ZNF730: variants seen among roughly 807,000 people sequenced by gnomAD.
ZNF730 encodes zinc finger protein 730, also known as putative zinc finger protein 730.
Under a neutral mutation model 12.6 loss-of-function variants are expected in ZNF730, and 12 were observed. The ratio of observed to expected loss-of-function variants is 0.95; its 90% CI spans 0.61 to 1.54. The LOEUF is 1.54. ZNF730 is among the 40% of genes most tolerant of loss of function. The probability of loss-of-function intolerance (pLI) is 0.00; values close to 1 mark genes in which losing one functional copy is unlikely to be tolerated. For synonymous variants in ZNF730, 194 were observed against 195.8 expected (o/e 0.99, Z 0.08); for missense variants, 643 against 583.5 (o/e 1.10, Z -1.05).
intron 1 of ZNF730, among the ~76,000 whole-genome samples, chr19:23,110,331 CAGT>C (rs1387085542): frequency 1.5e-5 from 2 of 137,232 alleles, no homozygotes; most frequent in African/African-American, 5.6e-5. Flanking sequence ...GGCTAGGGTG[CAGT>C]GGTGTGATCT....
intron 1 of ZNF730, among the ~76,000 whole-genome samples, chr19:23,088,308 C>T (rs73555470): frequency 0.013 from 2,010 of 152,174 alleles, 51 homozygotes; most frequent in African/African-American, 0.046. Flanking sequence ...GTGTGAGCCA[C>T]GCACCCAGCC....
At chr19:23,104,142 C>A (rs1326933958) in intron 1 of ZNF730, among the ~76,000 whole-genome samples, 1 of 151,924 alleles carries the variant, frequency 6.6e-6, no homozygotes, top group African/African-American at 2.4e-5. Context: ...CCAGACTCTA[C>A]TAAAAATACA....
intron 1 of ZNF730, among the ~76,000 whole-genome samples, chr19:23,093,906 A>T (rs1172535364): frequency 1.3e-5 from 2 of 152,206 alleles, no homozygotes; most frequent in Admixed American, 1.3e-4. Flanking sequence ...TGCCTCTGCC[A>T]GTTGGCTTTT....
intron 1 of ZNF730, among the ~76,000 whole-genome samples, chr19:23,125,053 A>G (rs954839139): frequency 3.3e-5 from 5 of 152,170 alleles, no homozygotes; most frequent in African/African-American, 1.2e-4. Context: ...GATTTTAAAA[A>G]TGGGAGTTTC....
intron 1 of ZNF730, among the ~76,000 whole-genome samples, chr19:23,089,262 A>G (rs954414540): frequency 2.6e-5 from 4 of 151,952 alleles, no homozygotes; most frequent in African/African-American, 9.7e-5. Context: ...GCTGGAGTGT[A>G]GTGGTGTGAT....
upstream of ZNF730, among the ~76,000 whole-genome samples, chr19:23,115,663 C>T (rs1215906040): frequency 6.6e-6 from 1 of 151,854 alleles, no homozygotes; most frequent in East Asian, 1.9e-4. Context: ...AAGCAAAGTG[C>T]CTCTGTTGAC....
At chr19:23,136,386 T>A (rs1970832786) in intron 3 of ZNF730, among the ~76,000 whole-genome samples, 1 of 152,138 alleles carries the variant, frequency 6.6e-6, no homozygotes, top group South Asian at 2.1e-4. Context: ...AGAAACTCTA[T>A]GTTGAACTAT....
At chr19:23,097,101 A>G (rs970684993) in intron 1 of ZNF730, among the ~76,000 whole-genome samples, 4 of 152,100 alleles carry the variant, frequency 2.6e-5, no homozygotes, top group Admixed American at 6.6e-5. Context: ...TCCATAGTCT[A>G]GGAGATTTAA....
chr19:23,091,404 GAGA>G (rs756122379), intron 1 of ZNF730, among the ~76,000 whole-genome samples: 7 of 152,182 alleles, frequency 4.6e-5, no homozygotes, highest in South Asian at 2.1e-4. Context: ...GTGGAGCTGT[GAGA>G]AGAAGGCCAC....
rs1192299660 is a variant in ZNF730 at position 23,145,781 on chromosome 19, A to G, written c.737A>G (p.His246Arg). 7 of 1,580,258 alleles carry G rather than the reference A, an allele frequency of 4.4e-6. No individual in the cohort carries two copies. The South Asian group carries it at 4.6e-5, about 10-fold the overall frequency. Residue 246 changes from histidine (H) to arginine (R), a missense_variant, in exon 4 of 4, where the codon CAT (histidine) becomes CGT (arginine). His to Arg is a conservative substitution (Grantham distance 29). Coordinates refer to ENST00000597761, the MANE Select transcript of ZNF730 (RefSeq NM_001277403.2). ...AACTGGTTTTCACATTTTACTACACATAAGAGAATTCATACTGGAGAAAAA... is the reference window on the plus strand; with the variant it reads ...AACTGGTTTTCACATTTTACTACACGTAAGAGAATTCATACTGGAGAAAAA... Reference protein sequence around the residue: ...AFNWFSHFTTHKRIHTGEKPY... With the variant: ...AFNWFSHFTTRKRIHTGEKPY...
At chr19:23,107,830 G>A (rs1275377280) in intron 1 of ZNF730, among the ~76,000 whole-genome samples, 1 of 152,192 alleles carries the variant, frequency 6.6e-6, no homozygotes, top group Non-Finnish European at 1.5e-5. Flanking sequence ...GAGTATTAAA[G>A]CCCCACCCCT....
intron 1 of ZNF730, among the ~76,000 whole-genome samples, chr19:23,076,315 G>A (rs1969859966): frequency 6.6e-6 from 1 of 152,132 alleles, no homozygotes; most frequent in Non-Finnish European, 1.5e-5. Context: ...TGAGAAAAAT[G>A]TAGAAAATAA....
chr19:23,114,151 T>A (rs569968766), upstream of ZNF730, among the ~76,000 whole-genome samples: 8 of 152,138 alleles, frequency 5.3e-5, no homozygotes, highest in Non-Finnish European at 1.2e-4. Context: ...TCACCTTGCT[T>A]CTTCTGTCCA....
Position 23,141,407 on chromosome 19 carries a change from AC to A in ZNF730, c.227-3863del, listed in dbSNP as rs1280489955. Reference sequence around the variant, plus strand: ...GAGACTCCGTCTCAAAAAAAAAAAAACAATTTTAAAATAAACAGACATGGTG... The same window carrying A: ...GAGACTCCGTCTCAAAAAAAAAAAAAAATTTTAAAATAAACAGACATGGTG... On this transcript the variant is annotated intron_variant, in intron 3 of 3. Transcript: ENST00000597761. Among the ~76,000 whole-genome samples, 42 of 151,454 alleles carry A rather than the reference AC, an allele frequency of 2.8e-4. 1 individual carries two copies. In the South Asian group the frequency reaches 7.9e-3, roughly 29 times the overall value.
At chr19:23,108,939 G>A (rs1459489475) in intron 1 of ZNF730, among the ~76,000 whole-genome samples, 3 of 152,026 alleles carry the variant, frequency 2.0e-5, no homozygotes, top group Admixed American at 2.0e-4. Context: ...TAGTAGAGAC[G>A]GGGTTTTGCT....
intron 1 of ZNF730, among the ~76,000 whole-genome samples, chr19:23,119,451 T>C (rs962319036): frequency 6.6e-6 from 1 of 152,230 alleles, no homozygotes; most frequent in South Asian, 2.1e-4. Context: ...TTGTTGAAGA[T>C]TTTTACATCA....
At chr19:23,126,706 C>G in intron 1 of ZNF730, 1 of 464,504 alleles carries the variant, frequency 2.2e-6, no homozygotes. Flanking sequence ...GTCTTAAAAT[C>G]TATAAGTTCT....
rs1483061497 is a variant in ZNF730 at position 23,147,045 on chromosome 19, C to G, written c.*489C>G. 2 of 271,900 alleles carry G rather than the reference C, an allele frequency of 7.4e-6. No individual in the cohort carries two copies. Among genetic ancestry groups the G allele is most frequent in the Non-Finnish European group, 1.4e-5 (2 of 140,770 alleles). 16.8% of individuals were successfully genotyped at this position (271,900 alleles called of 1,614,324 possible). The stretch of plus-strand genomic sequence containing the variant: ...GTAAGGTGATTCATACTGGAGAAAA[C>G]TTCTACAAGTGTAAACAAAGTGGCA... On this transcript the variant is annotated 3_prime_UTR_variant, in exon 4 of 4. Coordinates refer to ENST00000597761, the MANE Select transcript of ZNF730 (RefSeq NM_001277403.2).
chr19:23,116,850 A>G (rs73029452), upstream of ZNF730: 24,227 of 303,468 alleles, frequency 0.08, 726 homozygotes, highest in Middle Eastern at 0.14. Flanking sequence ...TCCTGCCCGA[A>G]AAGGCTGCAG....
Sources: allele counts gnomAD v4.1 joint callset (sites outside exome capture counted in the v4.1 genomes callset), GRCh38; gene constraint gnomAD v4.1.1; transcripts MANE v1.5; gene names NCBI Gene and HGNC (gene_info 2026-07-23, HGNC 2026-07-21).